The following CAMKK2 variants were observed in gnomAD, a reference collection of about 807,000 sequenced individuals.
CAMKK2 encodes the protein calcium/calmodulin-dependent protein kinase kinase 2.
A neutral mutation model predicts 67.2 loss-of-function variants in CAMKK2; 30 were observed. The observed-to-expected ratio is 0.45, with a 90% CI of 0.33 to 0.61. The LOEUF is 0.61. CAMKK2 is among the 20% of genes least tolerant of loss of function. CAMKK2 has a pLI of 0.02. For missense variants in CAMKK2, 643 were observed against 802.0 expected (o/e 0.80, Z 2.39); for synonymous variants, 322 against 326.2 (o/e 0.99, Z 0.14).
chr12:121,245,043 T>C lies in CAMKK2; in HGVS notation c.1553+97A>G. The C allele has an allele frequency of 1.2e-6, 1 of 838,148 alleles. No individual in the cohort carries two copies. Among genetic ancestry groups the C allele is most frequent in the South Asian group, 1.5e-5 (1 of 65,766 alleles). 51.9% of individuals were successfully genotyped at this position (838,148 alleles called of 1,614,324 possible). ...TCTGAGTCTCTCCAGATGGCACCAC[T>C]TCAGGGAGGACCTGTGCAGAGTGGT... On this transcript the variant is annotated intron_variant, in intron 15 of 16. Transcript: ENST00000404169. This position sits in a 1 kb window ranked among gnomAD's most constrained non-coding sequence, Gnocchi z 5.8.
chr12:121,263,990 G>A lies in CAMKK2; in HGVS notation c.626-51C>T, dbSNP rs191712601. The A allele has an allele frequency of 1.2e-4, 185 of 1,480,770 alleles. 1 individual carries two copies. Among genetic ancestry groups the A allele is most frequent in the African/African-American group, 9.3e-4 (65 of 70,116 alleles). 91.7% of individuals were successfully genotyped at this position (1,480,770 alleles called of 1,614,324 possible). On this transcript the variant is annotated intron_variant, in intron 5 of 16. Coordinates refer to ENST00000404169, the MANE Select transcript of CAMKK2 (RefSeq NM_001270485.2). ...GGTCAGGGCAAAGAGACTTTCCTCCGCAGAGGGCAGCTGCAGGTGGGATGC... is the reference window on the plus strand; with the variant it reads ...GGTCAGGGCAAAGAGACTTTCCTCCACAGAGGGCAGCTGCAGGTGGGATGC...
chr12:121,249,420 CCT>C (rs968613548), intron 13 of CAMKK2, among the ~76,000 whole-genome samples: 1 of 152,186 alleles, frequency 6.6e-6, no homozygotes, highest in African/African-American at 2.4e-5. Flanking sequence ...TCATTAATTT[CCT>C]CCCATCCTCA....
intron 7 of CAMKK2, among the ~76,000 whole-genome samples, chr12:121,259,744 TG>T (rs5801430): frequency 0.015 from 2,255 of 152,290 alleles, 55 homozygotes; most frequent in African/African-American, 0.051. Context: ...TCCTATACAA[TG>T]TTAAATTAAA....
At chr12:121,242,342 C>CAA (rs111365408) in intron 16 of CAMKK2, among the ~76,000 whole-genome samples, 2 of 126,778 alleles carry the variant, frequency 1.6e-5, no homozygotes, top group African/African-American at 5.7e-5. Flanking sequence ...GACCCTGTCT[C>CAA]AAAAAAAAAA....
At chr12:121,244,738 G>A (rs1889086275) in intron 15 of CAMKK2, 123 bp from the exon 16 acceptor site, 1 of 796,768 alleles carries the variant, frequency 1.3e-6, no homozygotes, top group Non-Finnish European at 2.0e-6. Flanking sequence ...CTGGAGCCAG[G>A]GTGGCGTTGA....
At chr12:121,297,487 C>T (rs574379669), upstream of CAMKK2, 1 of 423,070 alleles carries the variant, frequency 2.4e-6, no homozygotes, top group East Asian at 7.0e-5. Context: ...TACTTAGATG[C>T]TTTTTGTGAA....
At chr12:121,290,950 G>T (rs1271395311) in intron 1 of CAMKK2, among the ~76,000 whole-genome samples, 1 of 152,184 alleles carries the variant, frequency 6.6e-6, no homozygotes, top group Non-Finnish European at 1.5e-5. Context: ...CTCCAGAGCA[G>T]CTGGGATTAC....
In CAMKK2 at chr12:121,265,648, C is replaced by T. The variant is rs535191436; in HGVS notation, c.626-1709G>A. On this transcript the variant is annotated intron_variant, in intron 5 of 16. Transcript: ENST00000404169. ...CTTTGGGAGGCCGAGGTGGGTGGATCATGAGGTCAGGAGATCGAGACCATC... is the reference window on the plus strand; with the variant it reads ...CTTTGGGAGGCCGAGGTGGGTGGATTATGAGGTCAGGAGATCGAGACCATC... 2.6e-5 allele frequency among the ~76,000 whole-genome samples: 4 copies of T among 152,146 alleles called. No homozygotes were observed. In the South Asian group the frequency reaches 8.3e-4, roughly 32 times the overall value.
intron 2 of CAMKK2, among the ~76,000 whole-genome samples, chr12:121,272,367 G>A (rs1034283444): frequency 1.3e-5 from 2 of 152,062 alleles, no homozygotes; most frequent in East Asian, 1.9e-4. Context: ...ACAGATATAC[G>A]CCACAACATG....
At chr12:121,264,038 CCA>C (rs1894015068) in intron 5 of CAMKK2, 99 bp from the exon 6 acceptor site, 2 of 1,255,890 alleles carry the variant, frequency 1.6e-6, no homozygotes, top group South Asian at 1.6e-5. Context: ...TGCCAAAAAG[CCA>C]CTCTGCAGGG....
At chr12:121,291,839 T>C (rs144512073) in intron 1 of CAMKK2, among the ~76,000 whole-genome samples, 16,326 of 151,838 alleles carry the variant, frequency 0.11, 1,347 homozygotes, top group African/African-American at 0.21. Flanking sequence ...GGGCAGATCA[T>C]GAGGTCAAGA....
At chr12:121,275,776 G>A (rs544103951) in intron 1 of CAMKK2, among the ~76,000 whole-genome samples, 3 of 152,170 alleles carry the variant, frequency 2.0e-5, no homozygotes, top group Non-Finnish European at 4.4e-5. Context: ...CTAGATAGAG[G>A]TAATGGTTGC....
intron 6 of CAMKK2, among the ~76,000 whole-genome samples, chr12:121,262,643 C>T (rs1331474408): frequency 6.6e-6 from 1 of 152,118 alleles, no homozygotes; most frequent in South Asian, 2.1e-4. Flanking sequence ...ACTGTAGCCT[C>T]GAACTCCTGG....
chr12:121,258,605 C>T (rs1449659299), intron 7 of CAMKK2, among the ~76,000 whole-genome samples: 1 of 152,172 alleles, frequency 6.6e-6, no homozygotes, highest in Non-Finnish European at 1.5e-5. Context: ...ACGGCTGTGG[C>T]TGGAAAGTAA....
intron 16 of CAMKK2, among the ~76,000 whole-genome samples, chr12:121,242,342 C>CAAAA (rs111365408): frequency 1.6e-5 from 2 of 126,778 alleles, no homozygotes; most frequent in Admixed American, 8.2e-5. Flanking sequence ...GACCCTGTCT[C>CAAAA]AAAAAAAAAA....
rs930825520 is a variant in CAMKK2, at chr12:121,263,794, C to T, written c.759+12G>A. 6.3e-7 allele frequency: 1 copy of T among 1,598,078 alleles called. No individual in the cohort carries two copies. Among genetic ancestry groups the T allele is most frequent in the Non-Finnish European group, 8.6e-7 (1 of 1,168,910 alleles). On this transcript the variant is annotated intron_variant, in intron 6 of 16. Coordinates refer to ENST00000404169, the MANE Select transcript of CAMKK2 (RefSeq NM_001270485.2). ...GGGCCTCCCTCCCTCCTGGGCGCCT[C>T]CACCCTTTTACCTCCACCAGCTTCA...
At chr12:121,260,536 T>A (rs1893237867) in intron 6 of CAMKK2, 181 bp from the exon 7 acceptor site, 13 of 609,382 alleles carry the variant, frequency 2.1e-5, no homozygotes, top group Non-Finnish European at 3.2e-5. Flanking sequence ...TGTGAGATCC[T>A]AATGGCTATT....
At chr12:121,268,179 G>A (rs1045255826) in intron 5 of CAMKK2, among the ~76,000 whole-genome samples, 53 of 149,016 alleles carry the variant, frequency 3.6e-4, no homozygotes, top group Admixed American at 6.1e-4. Flanking sequence ...AGCCGTGTGT[G>A]CTGTTTCCAC....
intron 11 of CAMKK2, among the ~76,000 whole-genome samples, chr12:121,251,404 G>A (rs903202654): frequency 2.0e-5 from 3 of 152,080 alleles, no homozygotes; most frequent in African/African-American, 2.4e-5. Flanking sequence ...AGAGGCAATC[G>A]GTATAAACTC....
Sources: allele counts gnomAD v4.1 joint callset (sites outside exome capture counted in the v4.1 genomes callset), GRCh38; gene constraint gnomAD v4.1.1; non-coding constraint Gnocchi (gnomAD v3.1); transcripts MANE v1.5; gene names NCBI Gene and HGNC (gene_info 2026-07-23, HGNC 2026-07-21).